NRG3: variants seen among roughly 807,000 people sequenced by gnomAD.
NRG3 encodes neuregulin 3.
A neutral mutation model predicts 66.9 loss-of-function variants in NRG3; 31 were observed. The ratio of observed to expected loss-of-function variants is 0.46; its 90% CI spans 0.35 to 0.63. The LOEUF (loss-of-function observed/expected upper bound fraction) is 0.63. Among genes scored for constraint, NRG3 ranks in the 20% least tolerant of loss-of-function variants. NRG3 has a pLI of 0.00. For missense variants in NRG3, 910 were observed against 878.9 expected (o/e 1.04, Z -0.45); for synonymous variants, 393 against 359.4 (o/e 1.09, Z -1.06).
chr10:82,346,819 T>C (rs953809362), intron 1 of NRG3, among the ~76,000 whole-genome samples: 1 of 152,176 alleles, frequency 6.6e-6, no homozygotes, highest in Non-Finnish European at 1.5e-5. Flanking sequence ...AAGGAATTTA[T>C]CCATTTCTTC....
At chr10:82,461,293 T>A (rs1403338413) in intron 2 of NRG3, among the ~76,000 whole-genome samples, 3 of 149,336 alleles carry the variant, frequency 2.0e-5, no homozygotes, top group Non-Finnish European at 3.0e-5. Flanking sequence ...TTGTGACAAC[T>A]ATCATCATTG....
chr10:81,937,871 C>A (rs1344381722), intron 1 of NRG3, among the ~76,000 whole-genome samples: 3 of 152,018 alleles, frequency 2.0e-5, no homozygotes, highest in Non-Finnish European at 4.4e-5. Context: ...TTTATAGTTT[C>A]TGGGCTTATG....
chr10:82,284,759 C>T (rs1186674468), intron 1 of NRG3, among the ~76,000 whole-genome samples: 1 of 152,048 alleles, frequency 6.6e-6, no homozygotes, highest in Admixed American at 6.6e-5. Context: ...AAATTATTCT[C>T]ATCACTTCAC....
intron 1 of NRG3, among the ~76,000 whole-genome samples, chr10:81,932,734 G>GT: frequency 6.6e-6 from 1 of 152,226 alleles, no homozygotes; most frequent in East Asian, 1.9e-4. Flanking sequence ...TTTCAGTGTT[G>GT]TTTTTTAAGA....
rs1026607812 is a variant in NRG3, at chr10:82,204,547, C to A, written c.824-154192C>A. ...AGCATGTTCCTATTAAAAGGAAATT[C>A]TCCAGTCAAGTGGCATTCGCTGTAC... On this transcript the variant is annotated intron_variant, in intron 1 of 8. Transcript: ENST00000372141. Among the ~76,000 whole-genome samples, 5 of 152,180 alleles carry A rather than the reference C, an allele frequency of 3.3e-5. No homozygotes were observed. In the East Asian group the frequency reaches 7.7e-4, roughly 23 times the overall value.
intron 2 of NRG3, among the ~76,000 whole-genome samples, chr10:82,562,075 AG>A (rs2045084466): frequency 6.6e-6 from 1 of 152,224 alleles, no homozygotes; most frequent in African/African-American, 2.4e-5. Flanking sequence ...TTTAAGCCTG[AG>A]GTTCCATATC....
chr10:82,310,201 C>T (rs936641496), intron 1 of NRG3, among the ~76,000 whole-genome samples: 1 of 152,170 alleles, frequency 6.6e-6, no homozygotes, highest in African/African-American at 2.4e-5. Flanking sequence ...CATTTATCTC[C>T]ATCATTATTG....
chr10:82,033,329 A>G (rs1488769371), intron 1 of NRG3, among the ~76,000 whole-genome samples: 1 of 152,114 alleles, frequency 6.6e-6, no homozygotes, highest in Non-Finnish European at 1.5e-5. Flanking sequence ...TTTTTCCCCT[A>G]CAGTACATTG....
intron 1 of NRG3, among the ~76,000 whole-genome samples, chr10:82,086,252 T>G (rs957307163): frequency 2.6e-5 from 4 of 152,162 alleles, no homozygotes; most frequent in Admixed American, 2.6e-4. Context: ...AGCTTTTCTT[T>G]TTGAACTTCC....
At chr10:82,532,991 T>C (rs1590532321) in intron 2 of NRG3, among the ~76,000 whole-genome samples, 1 of 151,748 alleles carries the variant, frequency 6.6e-6, no homozygotes, top group African/African-American at 2.4e-5. Context: ...ATGGCTACCC[T>C]AACAGGTATA....
intron 2 of NRG3, among the ~76,000 whole-genome samples, chr10:82,461,413 C>G (rs2091510592): frequency 6.6e-6 from 1 of 152,180 alleles, no homozygotes; most frequent in African/African-American, 2.4e-5. Context: ...CAAGCTTCCT[C>G]TCCTCTGGGA....
chr10:82,651,412 G>A (rs2051404454), intron 2 of NRG3, among the ~76,000 whole-genome samples: 1 of 152,094 alleles, frequency 6.6e-6, no homozygotes, highest in African/African-American at 2.4e-5. Flanking sequence ...ATGAAGTGAA[G>A]GAATGAGACT....
At chr10:82,512,600 C>T (rs1845291016) in intron 2 of NRG3, among the ~76,000 whole-genome samples, 1 of 152,124 alleles carries the variant, frequency 6.6e-6, no homozygotes, top group Non-Finnish European at 1.5e-5. Context: ...AATAACAAAA[C>T]CCCAACCTGC....
chr10:82,203,211 A>G (rs1786223242), intron 1 of NRG3, among the ~76,000 whole-genome samples: 1 of 152,182 alleles, frequency 6.6e-6, no homozygotes, highest in African/African-American at 2.4e-5. Context: ...GCAAAATTTC[A>G]GATTAAATCA....
At chr10:82,958,817 G>T in intron 5 of NRG3, 132 bp from the exon 6 acceptor site, 1 of 1,042,074 alleles carries the variant, frequency 9.6e-7, no homozygotes, top group South Asian at 2.1e-5. Flanking sequence ...TGAGAGAAGG[G>T]TTCTCTTCGT....
chr10:82,520,082 T>C (rs1392029334), intron 2 of NRG3, among the ~76,000 whole-genome samples: 17 of 151,496 alleles, frequency 1.1e-4, no homozygotes, highest in African/African-American at 3.2e-4. Context: ...GGGGTAAGTG[T>C]TAGCTTCTTT....
chr10:82,142,747 CCTCT>C (rs35695687), intron 1 of NRG3, among the ~76,000 whole-genome samples: 2 of 143,148 alleles, frequency 1.4e-5, no homozygotes, highest in Non-Finnish European at 3.0e-5. Context: ...ATGTGAGAGT[CCTCT>C]CTCTCTCTCT....
intron 2 of NRG3, among the ~76,000 whole-genome samples, chr10:82,499,324 A>G (rs906620689): frequency 1.1e-4 from 16 of 152,262 alleles, no homozygotes; most frequent in Admixed American, 3.3e-4. Context: ...ATTTTGGAGA[A>G]GGAATATTGC....
At chr10:82,933,971 TG>T (rs1847828220) in intron 4 of NRG3, among the ~76,000 whole-genome samples, 1 of 151,930 alleles carries the variant, frequency 6.6e-6, no homozygotes, top group Admixed American at 6.6e-5. Flanking sequence ...AGGAGGTAAA[TG>T]GGGGTCTGGG....
Sources: gnomAD v4.1 joint callset for allele counts (sites outside exome capture counted in the v4.1 genomes callset) on GRCh38, gnomAD v4.1.1 for gene constraint, MANE v1.5 for transcripts, NCBI Gene and HGNC (gene_info 2026-07-23, HGNC 2026-07-21) for gene names.